Variants in ERBB4 observed in about 807,000 individuals in gnomAD.
ERBB4 encodes receptor tyrosine-protein kinase erbB-4.
ERBB4 carries 42 observed loss-of-function variants against 158.0 expected under a neutral mutation model. That is an observed-to-expected ratio of 0.27 (90% CI 0.21 to 0.34). The LOEUF (loss-of-function observed/expected upper bound fraction) is 0.34, where lower values mean the gene tolerates loss of function less well. ERBB4 is among the 10% of genes least tolerant of loss of function. ERBB4 has a pLI of 1.00. For synonymous variants in ERBB4, 583 were observed against 558.7 expected, an observed-to-expected ratio of 1.04 and a Z score of -0.61; for missense variants, 1,333 against 1,624.1, an observed-to-expected ratio of 0.82 and a Z score of 3.08.
intron 2 of ERBB4, among the ~76,000 whole-genome samples, chr2:211,952,814 G>A (rs1046639460): frequency 6.6e-6 from 1 of 151,994 alleles, no homozygotes; most frequent in Non-Finnish European, 1.5e-5. Flanking sequence ...CAGATGCTAA[G>A]TATTACAAAT....
chr2:211,685,043 A>G (rs1232911881), intron 12 of ERBB4, among the ~76,000 whole-genome samples: 2 of 152,216 alleles, frequency 1.3e-5, no homozygotes, highest in African/African-American at 4.8e-5. Flanking sequence ...TGTAACAACT[A>G]TCTGATTTGA....
At position 212,175,541 on chromosome 2, in the gene ERBB4, CAG is replaced by C. The variant is rs1485644952; in HGVS notation, c.83-50640_83-50639del. On this transcript the variant is annotated intron_variant, in intron 1 of 27. Coordinates refer to ENST00000342788, the MANE Select transcript of ERBB4 (RefSeq NM_005235.3). ...CTTTCAAAATATTTGGGTCCCAAAA[CAG>C]ATAATTTTCGCGCTATGTCTAATAC... is the stretch of plus-strand genomic sequence containing the variant. Among the ~76,000 whole-genome samples, 13 of 151,188 alleles carry C rather than the reference CAG, an allele frequency of 8.6e-5. No individual in the cohort carries two copies. The East Asian group carries it at 2.5e-3, about 29-fold the overall frequency.
At chr2:211,475,911 A>G (rs1235977603) in intron 20 of ERBB4, among the ~76,000 whole-genome samples, 1 of 152,168 alleles carries the variant, frequency 6.6e-6, no homozygotes, top group Non-Finnish European at 1.5e-5. Context: ...GTAATAGAGT[A>G]GTGGAAAACA....
chr2:212,286,283 CA>C (rs1469071200), intron 1 of ERBB4, among the ~76,000 whole-genome samples: 1 of 152,020 alleles, frequency 6.6e-6, no homozygotes, highest in Non-Finnish European at 1.5e-5. Flanking sequence ...TAAAACAGTA[CA>C]AATATTTTAA....
At chr2:212,135,979 T>A (rs976588194) in intron 1 of ERBB4, among the ~76,000 whole-genome samples, 1 of 152,178 alleles carries the variant, frequency 6.6e-6, no homozygotes, top group African/African-American at 2.4e-5. Context: ...AAAATGCCAG[T>A]GGGAGCTAAG....
chr2:212,520,603 T>C (rs1397626006), intron 1 of ERBB4, among the ~76,000 whole-genome samples: 2 of 151,908 alleles, frequency 1.3e-5, no homozygotes, highest in Non-Finnish European at 2.9e-5. Context: ...TACCTATCTC[T>C]CAGTCTAAAA....
intron 1 of ERBB4, among the ~76,000 whole-genome samples, chr2:212,140,031 G>C (rs1049560760): frequency 1.3e-5 from 2 of 151,614 alleles, no homozygotes; most frequent in Non-Finnish European, 3.0e-5. Flanking sequence ...TTTCTTTTCA[G>C]ATGCATTTAC....
intron 16 of ERBB4, among the ~76,000 whole-genome samples, chr2:211,653,921 G>T (rs531880678): frequency 1.8e-4 from 28 of 151,936 alleles, no homozygotes; most frequent in Non-Finnish European, 3.1e-4. Context: ...TGATCTGCCC[G>T]CCTCGGCCTC....
chr2:212,103,759 A>C (rs1213030659), intron 2 of ERBB4, among the ~76,000 whole-genome samples: 2 of 151,892 alleles, frequency 1.3e-5, no homozygotes, highest in East Asian at 3.8e-4. Context: ...TATTTACTAC[A>C]TTAAAATATA....
chr2:212,034,947 T>C (rs545514963), intron 2 of ERBB4, among the ~76,000 whole-genome samples: 2 of 152,306 alleles, frequency 1.3e-5, no homozygotes, highest in South Asian at 4.1e-4. Context: ...AATGACTCCA[T>C]GAAAATTAGG....
intron 1 of ERBB4, among the ~76,000 whole-genome samples, chr2:212,332,081 C>T (rs1337784162): frequency 6.6e-6 from 1 of 151,942 alleles, no homozygotes; most frequent in Non-Finnish European, 1.5e-5. Context: ...TGTGTCCCTA[C>T]CCAAATCTCA....
intron 1 of ERBB4, among the ~76,000 whole-genome samples, chr2:212,191,838 T>G (rs1450572301): frequency 1.5e-5 from 2 of 134,698 alleles, no homozygotes; most frequent in Admixed American, 7.6e-5. Context: ...ATGTTATATA[T>G]AATACATGTT....
intron 2 of ERBB4, among the ~76,000 whole-genome samples, chr2:212,003,207 CAGAA>C (rs1436360673): frequency 0.012 from 482 of 39,946 alleles, 33 homozygotes; most frequent in African/African-American, 0.033. Flanking sequence ...GAAAGAAAGA[CAGAA>C]AGAAGGAAGG....
At chr2:211,667,761 T>C (rs1300698827) in intron 14 of ERBB4, among the ~76,000 whole-genome samples, 1 of 152,224 alleles carries the variant, frequency 6.6e-6, no homozygotes, top group Non-Finnish European at 1.5e-5. Context: ...GTAATGTAAA[T>C]GTATTTTTCT....
intron 13 of ERBB4, among the ~76,000 whole-genome samples, chr2:211,675,808 A>G (rs1442408702): frequency 6.9e-6 from 1 of 145,030 alleles, no homozygotes; most frequent in African/African-American, 2.5e-5. Flanking sequence ...ATATATATAT[A>G]TAACAAATAG....
intron 1 of ERBB4, among the ~76,000 whole-genome samples, chr2:212,341,150 TAAATA>T (rs1442934605): frequency 6.6e-6 from 1 of 151,946 alleles, no homozygotes; most frequent in Non-Finnish European, 1.5e-5. Context: ...GTGGGAATTA[TAAATA>T]AAATAAAGGC....
intron 3 of ERBB4, among the ~76,000 whole-genome samples, chr2:211,810,818 G>T (rs915846792): frequency 1.3e-4 from 20 of 151,712 alleles, no homozygotes; most frequent in African/African-American, 4.1e-4. Context: ...GACTACAGGC[G>T]CCCGCCACCG....
intron 1 of ERBB4, chr2:212,426,355 T>C (rs2091912257): frequency 4.6e-6 from 2 of 430,490 alleles, no homozygotes; most frequent in African/African-American, 2.2e-5. Context: ...AACCTAATAG[T>C]TATTAGAAAG....
At chr2:211,646,854 G>A (rs1170888121) in intron 16 of ERBB4, among the ~76,000 whole-genome samples, 1 of 151,586 alleles carries the variant, frequency 6.6e-6, no homozygotes, top group Non-Finnish European at 1.5e-5. Context: ...TGACCTTCAA[G>A]TTAGAAACAT....
Sources: allele counts gnomAD v4.1 joint callset (sites outside exome capture counted in the v4.1 genomes callset), GRCh38; gene constraint gnomAD v4.1.1; transcripts MANE v1.5; gene names NCBI Gene and HGNC (gene_info 2026-07-23, HGNC 2026-07-21).